Variants in GRM8 observed in about 807,000 individuals in gnomAD.
The protein encoded by GRM8 is metabotropic glutamate receptor 8.
Under a neutral mutation model 87.2 loss-of-function variants are expected in GRM8, and 47 were observed. That is an observed-to-expected ratio of 0.54 (90% confidence interval 0.43 to 0.69). GRM8 has a LOEUF of 0.69. Ranked by LOEUF, GRM8 falls within the 30% of genes least tolerant of loss-of-function variation. The pLI is 0.00. For missense variants in GRM8, 1,019 were observed against 1,139.2 expected, an observed-to-expected ratio of 0.89 and a Z score of 1.52; for synonymous variants, 396 against 404.5, an observed-to-expected ratio of 0.98 and a Z score of 0.25.
rs563906429 is a variant in GRM8, at chr7:126,916,981, G to A, written c.728-12298C>T. ...ATAAAAAGGTTAAAAATGCAGTTAC[G>A]TTTTTAACTTTTTGGATTCAGATAG... On this transcript the variant is annotated intron_variant, in intron 3 of 10. Transcript: ENST00000339582. 9.8e-5 allele frequency among the ~76,000 whole-genome samples: 15 copies of A among 152,292 alleles called. No homozygotes were observed. In the South Asian group the frequency reaches 1.0e-3, roughly 11 times the overall value.
intron 2 of GRM8, among the ~76,000 whole-genome samples, chr7:127,142,377 ACT>A (rs1828318959): frequency 6.6e-6 from 1 of 152,166 alleles, no homozygotes; most frequent in Non-Finnish European, 1.5e-5. Context: ...TAAATGAGGC[ACT>A]GTGACAGCAA....
chr7:126,881,656 A>G (rs1800033767), intron 6 of GRM8, among the ~76,000 whole-genome samples: 1 of 152,182 alleles, frequency 6.6e-6, no homozygotes, highest in Admixed American at 6.5e-5. Context: ...GCAATTTCTG[A>G]GATATCCCAC....
intron 7 of GRM8, among the ~76,000 whole-genome samples, chr7:126,644,272 A>T (rs1056360081): frequency 6.6e-6 from 1 of 152,198 alleles, no homozygotes; most frequent in Non-Finnish European, 1.5e-5. Context: ...CAGCGGCCTC[A>T]TACTTTACTC....
intron 6 of GRM8, among the ~76,000 whole-genome samples, chr7:126,863,319 GCTT>G (rs1798296459): frequency 6.6e-6 from 1 of 151,974 alleles, no homozygotes; most frequent in Non-Finnish European, 1.5e-5. Context: ...GGAATTTTGT[GCTT>G]CTTCTTTTGC....
At chr7:126,726,131 T>G (rs1384094298) in intron 7 of GRM8, among the ~76,000 whole-genome samples, 1 of 152,082 alleles carries the variant, frequency 6.6e-6, no homozygotes, top group Non-Finnish European at 1.5e-5. Context: ...AGTAATATAA[T>G]TAATACATGT....
chr7:127,072,049 C>T (rs973844259), intron 3 of GRM8, among the ~76,000 whole-genome samples: 2 of 148,984 alleles, frequency 1.3e-5, no homozygotes, highest in Admixed American at 1.3e-4. Context: ...TCTTCAGTGC[C>T]GCTCTTCTTC....
intron 6 of GRM8, among the ~76,000 whole-genome samples, chr7:126,887,247 T>G (rs1464618149): frequency 6.6e-6 from 1 of 152,096 alleles, no homozygotes; most frequent in Non-Finnish European, 1.5e-5. Flanking sequence ...AATTGAATAA[T>G]AAGACTGTGT....
At chr7:127,232,183 T>TTGTGTG (rs71529431) in intron 2 of GRM8, among the ~76,000 whole-genome samples, 2,328 of 129,650 alleles carry the variant, frequency 0.018, 29 homozygotes, top group Middle Eastern at 0.023. Flanking sequence ...TGTTTCTTCT[T>TTGTGTG]TGTGTGTGTG....
intron 9 of GRM8, among the ~76,000 whole-genome samples, chr7:126,503,192 G>A (rs1333739496): frequency 6.6e-6 from 1 of 151,966 alleles, no homozygotes; most frequent in Non-Finnish European, 1.5e-5. Context: ...CTGGGGGAAT[G>A]AGGCTCACAT....
chr7:127,059,719 C>G (rs1284193347), intron 3 of GRM8, among the ~76,000 whole-genome samples: 1 of 152,168 alleles, frequency 6.6e-6, no homozygotes, highest in Non-Finnish European at 1.5e-5. Flanking sequence ...CTCTAGATAA[C>G]TCATGAATAC....
At chr7:126,674,313 C>G (rs1216740692) in intron 7 of GRM8, among the ~76,000 whole-genome samples, 1 of 152,154 alleles carries the variant, frequency 6.6e-6, no homozygotes, top group Non-Finnish European at 1.5e-5. Flanking sequence ...AAGCTGATAA[C>G]GTTTACTGTG....
intron 3 of GRM8, among the ~76,000 whole-genome samples, chr7:127,078,952 G>A: frequency 6.6e-6 from 1 of 152,154 alleles, no homozygotes; most frequent in Non-Finnish European, 1.5e-5. Context: ...TAAGGAAAAG[G>A]ATGTATGAAA....
chr7:126,816,488 C>T (rs901455651), intron 6 of GRM8, among the ~76,000 whole-genome samples: 3 of 152,118 alleles, frequency 2.0e-5, no homozygotes, highest in African/African-American at 7.2e-5. Context: ...AGTAAATAGA[C>T]CTTAAAATCA....
At chr7:126,735,610 T>C in intron 7 of GRM8, among the ~76,000 whole-genome samples, 1 of 152,096 alleles carries the variant, frequency 6.6e-6, no homozygotes. Flanking sequence ...ATCTTCTTCA[T>C]ACACAAAGGA....
chr7:126,775,066 A>T (rs1404044943), intron 6 of GRM8, among the ~76,000 whole-genome samples: 1 of 152,148 alleles, frequency 6.6e-6, no homozygotes, highest in Non-Finnish European at 1.5e-5. Flanking sequence ...TCTTACAACC[A>T]TCTCAGCTTG....
At chr7:127,244,844 C>T (rs534854227) in intron 1 of GRM8, among the ~76,000 whole-genome samples, 1 of 152,282 alleles carries the variant, frequency 6.6e-6, no homozygotes, top group African/African-American at 2.4e-5. Flanking sequence ...TCATAGCAGC[C>T]CACTGCCCCA....
chr7:126,608,876 G>T (rs1379059556), intron 8 of GRM8, among the ~76,000 whole-genome samples: 1 of 150,638 alleles, frequency 6.6e-6, no homozygotes, highest in East Asian at 2.0e-4. Flanking sequence ...CCATTCTCCT[G>T]CCTCAGCCTC....
intron 7 of GRM8, among the ~76,000 whole-genome samples, chr7:126,619,684 T>C (rs1011051700): frequency 5.3e-5 from 8 of 152,178 alleles, no homozygotes; most frequent in African/African-American, 1.4e-4. Context: ...TTGATGTGTA[T>C]TAATTTTGTT....
At chr7:126,714,313 AT>A (rs1403362041) in intron 7 of GRM8, among the ~76,000 whole-genome samples, 9 of 148,190 alleles carry the variant, frequency 6.1e-5, no homozygotes, top group South Asian at 4.2e-4. Flanking sequence ...AATAATAATA[AT>A]AATAATAATA....
Sources: allele counts gnomAD v4.1 joint callset (sites outside exome capture counted in the v4.1 genomes callset), GRCh38; gene constraint gnomAD v4.1.1; transcripts MANE v1.5; gene names NCBI Gene and HGNC (gene_info 2026-07-23, HGNC 2026-07-21).